KALRN: variants seen among roughly 807,000 people sequenced by gnomAD.
The protein encoded by KALRN is kalirin.
KALRN carries 70 observed loss-of-function variants against 353.7 expected under a neutral mutation model. The observed-to-expected ratio is 0.20, with a 90% CI of 0.16 to 0.24. KALRN has a LOEUF of 0.24. Ranked by LOEUF, KALRN falls within the 10% of genes least tolerant of loss-of-function variation. The pLI, the probability that KALRN is intolerant of heterozygous loss-of-function variation, is 1.00. For synonymous variants in KALRN, 1,391 were observed against 1,434.8 expected (o/e 0.97, Z 0.69); for missense variants, 2,791 against 3,756.7 (o/e 0.74, Z 6.72).
At chr3:124,173,441 A>T (rs890339401) in intron 1 of KALRN, among the ~76,000 whole-genome samples, 1 of 152,190 alleles carries the variant, frequency 6.6e-6, no homozygotes, top group Non-Finnish European at 1.5e-5. Context: ...TGCAGAAGTG[A>T]TGCTGAGGTT....
In KALRN at chr3:124,160,573, C is replaced by CT. The variant is rs373459769; in HGVS notation, c.74-67407dup. Among the ~76,000 whole-genome samples, 123 of 149,308 alleles carry CT rather than the reference C, an allele frequency of 8.2e-4. No individual in the cohort carries two copies. The South Asian group carries it at 0.015, about 18-fold the overall frequency. ...AATGAATGATGTGTAAGAAAATGGTCTTTTTTTTTTCTGGGCCATCAGGCA... is the reference window on the plus strand; with the variant it reads ...AATGAATGATGTGTAAGAAAATGGTCTTTTTTTTTTTCTGGGCCATCAGGCA... On this transcript the variant is annotated intron_variant, in intron 1 of 59. Coordinates refer to ENST00000682506, the MANE Select transcript of KALRN (RefSeq NM_001388419.1).
chr3:124,398,775 T>C lies in KALRN; in HGVS notation c.2250T>C (p.Asp750=). ...TCGAGTCGGTCCTGCAGCAGCTTGA[T>C]GATGCCCAGGTGCAGATGGAGGAGC... ...SHIESVLQQL[D]DAQVQMEELF... is the part of the protein sequence containing the mutation. Residue 750 remains aspartate (D), a synonymous_variant, in exon 13 of 60, where the codon GAT becomes GAC. Transcript: ENST00000682506. The C allele has an allele frequency of 6.2e-7, 1 of 1,614,200 alleles. No individual in the cohort carries two copies. The highest frequency in any genetic ancestry group is 8.5e-7 in the Non-Finnish European group (1 of 1,180,034).
chr3:124,235,407 C>T (rs1049421833), intron 3 of KALRN, among the ~76,000 whole-genome samples: 4 of 152,124 alleles, frequency 2.6e-5, no homozygotes, highest in African/African-American at 4.8e-5. Context: ...AAGGCTCCTT[C>T]GGGGCCTAGG....
intron 6 of KALRN, among the ~76,000 whole-genome samples, chr3:124,309,055 C>G (rs2077987436): frequency 6.6e-6 from 1 of 151,810 alleles, no homozygotes; most frequent in South Asian, 2.1e-4. Flanking sequence ...ATGAAATGGA[C>G]AAATTCATAG....
intron 5 of KALRN, among the ~76,000 whole-genome samples, chr3:124,289,462 C>T (rs1055844067): frequency 6.6e-6 from 1 of 151,840 alleles, no homozygotes; most frequent in Middle Eastern, 3.4e-3. Flanking sequence ...GACCAAGTTA[C>T]TTAATCTCTC....
At chr3:124,433,101 A>C (rs2093341533) in intron 16 of KALRN, among the ~76,000 whole-genome samples, 1 of 152,204 alleles carries the variant, frequency 6.6e-6, no homozygotes, top group Non-Finnish European at 1.5e-5. Flanking sequence ...GAGTGAAAGC[A>C]GTTGGGTTTG....
chr3:124,196,147 A>G (rs2150353167), intron 1 of KALRN, among the ~76,000 whole-genome samples: 1 of 152,316 alleles, frequency 6.6e-6, no homozygotes, highest in African/African-American at 2.4e-5. Flanking sequence ...TTGTGGCCAA[A>G]GCAAGCATCC....
At chr3:124,365,699 C>T (rs2084598392) in intron 10 of KALRN, among the ~76,000 whole-genome samples, 1 of 152,192 alleles carries the variant, frequency 6.6e-6, no homozygotes, top group Non-Finnish European at 1.5e-5. Context: ...AAGGCCTAAG[C>T]ATTTAAATCT....
chr3:124,188,126 A>G (rs2074445683), intron 1 of KALRN, among the ~76,000 whole-genome samples: 1 of 152,212 alleles, frequency 6.6e-6, no homozygotes, highest in South Asian at 2.1e-4. Flanking sequence ...ATGTGCAGCT[A>G]GAGTTGAGCC....
At chr3:124,179,031 C>T (rs1560159206) in intron 1 of KALRN, among the ~76,000 whole-genome samples, 3 of 151,944 alleles carry the variant, frequency 2.0e-5, no homozygotes, top group South Asian at 2.1e-4. Context: ...TGCTTGAGCC[C>T]AGGAGTTCAA....
At chr3:124,327,769 G>C (rs745729915) in intron 7 of KALRN, among the ~76,000 whole-genome samples, 3 of 152,182 alleles carry the variant, frequency 2.0e-5, no homozygotes, top group Non-Finnish European at 2.9e-5. Flanking sequence ...GCCAAGGAGA[G>C]TCAGACACCT....
At chr3:124,619,911 T>C (rs957373007) in intron 34 of KALRN, among the ~76,000 whole-genome samples, 4 of 152,194 alleles carry the variant, frequency 2.6e-5, no homozygotes, top group African/African-American at 9.7e-5. Context: ...CAGCATTTGT[T>C]ATCTCTTGAT....
At chr3:124,082,386 A>G in intron 1 of KALRN, 1 of 453,090 alleles carries the variant, frequency 2.2e-6, no homozygotes, top group Non-Finnish European at 4.6e-6. Context: ...GAGCTATGGA[A>G]GGCTCTGGCA....
At chr3:124,657,686 A>G (rs2084247491) in intron 40 of KALRN, 48 bp from the exon 41 acceptor site, 1 of 1,444,738 alleles carries the variant, frequency 6.9e-7, no homozygotes, top group Admixed American at 1.7e-5. Context: ...GAAATAATAC[A>G]GTTCTGAATA....
At position 124,719,236 on chromosome 3, in the gene KALRN, T is replaced by C. The variant is rs745836277; in HGVS notation, c.8727T>C (p.Asn2909=). The C allele has an allele frequency of 2.0e-5, 32 of 1,614,234 alleles. No homozygotes were observed. Among genetic ancestry groups the C allele is most frequent in the Non-Finnish European group, 2.7e-5 (32 of 1,180,040 alleles). Residue 2909 remains asparagine, a synonymous_variant, in exon 60 of 60, where the codon AAT becomes AAC. Transcript: ENST00000682506. This position sits in a 1 kb window ranked among gnomAD's most constrained non-coding sequence, Gnocchi z 5.3. ...FPHEYFCGVS[N]AARDFINVIL... is the part of the protein sequence containing the mutation. ...ATGAATACTTCTGTGGTGTGAGCAATGCTGCCAGAGATTTCATCAATGTGA... is the reference window on the plus strand; with the variant it reads ...ATGAATACTTCTGTGGTGTGAGCAACGCTGCCAGAGATTTCATCAATGTGA...
chr3:124,707,445 CCCTCCT>C (rs2062687584), intron 57 of KALRN, among the ~76,000 whole-genome samples: 1 of 146,076 alleles, frequency 6.8e-6, no homozygotes, highest in South Asian at 2.2e-4. Flanking sequence ...TTCCTTCCTT[CCCTCCT>C]TCCTTCCTTC....
At chr3:124,524,212 A>G (rs1208983141) in intron 33 of KALRN, among the ~76,000 whole-genome samples, 2 of 152,296 alleles carry the variant, frequency 1.3e-5, no homozygotes, top group East Asian at 3.9e-4. Context: ...TCTATGCTCA[A>G]AGAAAGCTAG....
chr3:124,569,346 A>G (rs2073252710), intron 34 of KALRN, among the ~76,000 whole-genome samples: 1 of 152,188 alleles, frequency 6.6e-6, no homozygotes, highest in Non-Finnish European at 1.5e-5. Context: ...AGAACCGTGG[A>G]TAAAACTTGG....
chr3:124,264,881 C>T (rs2073318095), intron 4 of KALRN, among the ~76,000 whole-genome samples, 191 bp downstream of exon 4: 1 of 152,178 alleles, frequency 6.6e-6, no homozygotes, highest in Admixed American at 6.5e-5. Context: ...GAGATTGTCC[C>T]AAATGCACAC....
Sources: allele counts gnomAD v4.1 joint callset (sites outside exome capture counted in the v4.1 genomes callset), GRCh38; gene constraint gnomAD v4.1.1; non-coding constraint Gnocchi (gnomAD v3.1); transcripts MANE v1.5; gene names NCBI Gene and HGNC (gene_info 2026-07-23, HGNC 2026-07-21).